The following NARS1 variants were observed in gnomAD, a reference collection of about 807,000 sequenced individuals.
The protein encoded by NARS1 is asparagine--tRNA ligase, cytoplasmic.
A neutral mutation model predicts 79.2 loss-of-function variants in NARS1; 65 were observed. That is an observed-to-expected ratio of 0.82 (90% CI 0.67 to 1.01). The LOEUF (loss-of-function observed/expected upper bound fraction) is 1.01, where lower values mean the gene tolerates loss of function less well. Ranked by LOEUF, NARS1 falls within the 50% of genes least tolerant of loss-of-function variation. The pLI is 0.00. For missense variants in NARS1, 649 were observed against 673.8 expected, an observed-to-expected ratio of 0.96 and a Z score of 0.41; for synonymous variants, 229 against 238.8, an observed-to-expected ratio of 0.96 and a Z score of 0.38.
chr18:57,600,762 A>G lies in NARS1; in HGVS notation c.*890T>C, dbSNP rs1053166847. 6.6e-6 allele frequency: 1 copy of G among 152,240 alleles called. No individual in the cohort carries two copies. Among genetic ancestry groups the G allele is most frequent in the African/African-American group, 2.4e-5 (1 of 41,466 alleles). The allele number at this position is 152,240 out of a possible 1,614,324, so 9.4% of individuals were successfully genotyped here. On this transcript the variant is annotated 3_prime_UTR_variant, in exon 14 of 14. Transcript: ENST00000256854. ...AACTAAATCTGAAATGAAGCCATTCAGTAAGCCTGCTGTGAGTTAATAAGG... is the reference window on the plus strand; with the variant it reads ...AACTAAATCTGAAATGAAGCCATTCGGTAAGCCTGCTGTGAGTTAATAAGG...
chr18:57,619,212 A>C (rs573608926), intron 2 of NARS1, among the ~76,000 whole-genome samples: 3 of 148,824 alleles, frequency 2.0e-5, no homozygotes, highest in Non-Finnish European at 3.0e-5. Flanking sequence ...CCCCTATCTC[A>C]GTCTCCCGAG....
intron 7 of NARS1, among the ~76,000 whole-genome samples, chr18:57,608,437 C>CAAAAAAAAAAAAAAA (rs1175712420): frequency 1.3e-5 from 1 of 78,276 alleles, no homozygotes; most frequent in African/African-American, 5.3e-5. Context: ...AACTCCGTCT[C>CAAAAAAAAAAAAAAA]AAAAAAAAAA....
chr18:57,602,703 T>G, intron 12 of NARS1, 109 bp downstream of exon 12: 1 of 1,367,438 alleles, frequency 7.3e-7, no homozygotes, highest in Non-Finnish European at 9.9e-7. Flanking sequence ...AATATTGTTA[T>G]TCTAGATAGA....
chr18:57,617,617 CT>C, intron 2 of NARS1, among the ~76,000 whole-genome samples: 1 of 134,752 alleles, frequency 7.4e-6, no homozygotes, highest in South Asian at 2.5e-4. Context: ...GAATCTGGAT[CT>C]TTTGAAAACA....
chr18:57,611,659 T>C lies in NARS1; in HGVS notation c.470A>G (p.Gln157Arg), dbSNP rs2051605920. 3.8e-6 allele frequency: 6 copies of C among 1,596,472 alleles called. No individual in the cohort carries two copies. The highest frequency in any genetic ancestry group is 5.1e-6 in the Non-Finnish European group (6 of 1,173,046). ...LVLRDGTGYL[Q>R]CVLADELCQC... ...TACCAACTCATCCGCCAAGACACAC[T>C]GAAGATAACCTGTACCATCTCGCAA... The change falls in exon 6 of 14, where the codon CAG becomes CGG. Residue 157 changes from glutamine (Q) to arginine (R), a missense_variant. Coordinates refer to ENST00000256854, the MANE Select transcript of NARS1 (RefSeq NM_004539.4).
Position 57,602,448 on chromosome 18 carries a change from T to A in NARS1, c.1422A>T (p.Gly474=), listed in dbSNP as rs760080247. 1.9e-6 allele frequency: 3 copies of A among 1,613,902 alleles called. 1 individual carries two copies. The South Asian group carries it at 3.3e-5, about 18-fold the overall frequency. The stretch of plus-strand genomic sequence containing the variant: ...CACTATCAAAGATACGCATTGAGCC[T>A]CCCACAATCTCACCAACATTGGGCA... ...VLMPNVGEIV[G]GSMRIFDSEE... The change falls in exon 13 of 14, where the codon GGA becomes GGT. Residue 474 remains glycine (G), a synonymous_variant. Coordinates refer to ENST00000256854, the MANE Select transcript of NARS1 (RefSeq NM_004539.4).
At position 57,621,780 on chromosome 18, in the gene NARS1, T is replaced by G; in HGVS notation, c.-63A>C. 6.2e-7 allele frequency: 1 copy of G among 1,612,390 alleles called. No individual in the cohort carries two copies. The highest frequency in any genetic ancestry group is 8.5e-7 in the Non-Finnish European group (1 of 1,179,646). On this transcript the variant is annotated 5_prime_UTR_variant, in exon 1 of 14. Coordinates refer to ENST00000256854, the MANE Select transcript of NARS1 (RefSeq NM_004539.4). ...TGCAACACCGACGCCGTCTTATGAC[T>G]CCAACGTGCACCGGCGGTTTCCGCG... is the stretch of plus-strand genomic sequence containing the variant.
rs932754867 is a variant in NARS1, at chr18:57,611,653, A to C, written c.476T>G (p.Val159Gly). 1 of 1,596,140 alleles carries C rather than the reference A, an allele frequency of 6.3e-7. No individual in the cohort carries two copies. Among genetic ancestry groups the C allele is most frequent in the Non-Finnish European group, 8.5e-7 (1 of 1,172,246 alleles). ...AATATTTACCAACTCATCCGCCAAG[A>C]CACACTGAAGATAACCTGTACCATC... ...LRDGTGYLQCVLADELCQCYN... is the reference protein window; with the variant it reads ...LRDGTGYLQCGLADELCQCYN... Residue 159 changes from valine to glycine, a missense_variant, in exon 6 of 14, where the codon GTC becomes GGC. Coordinates refer to ENST00000256854, the MANE Select transcript of NARS1 (RefSeq NM_004539.4).
intron 13 of NARS1, 90 bp from the exon 14 acceptor site, chr18:57,601,873 G>C (rs1427605590): frequency 9.4e-6 from 13 of 1,383,572 alleles, no homozygotes; most frequent in Non-Finnish European, 1.3e-5. Flanking sequence ...CATGAAAGGA[G>C]TTAGCTCACT....
chr18:57,616,196 G>A (rs1225231497), intron 2 of NARS1, among the ~76,000 whole-genome samples: 1 of 152,072 alleles, frequency 6.6e-6, no homozygotes, highest in Non-Finnish European at 1.5e-5. Flanking sequence ...GAAGGCCGAG[G>A]TGGGTGAGGT....
chr18:57,618,287 C>T (rs1277575334), intron 2 of NARS1, among the ~76,000 whole-genome samples: 25 of 34,586 alleles, frequency 7.2e-4, no homozygotes, highest in African/African-American at 2.0e-3. Context: ...AAAACTCTGT[C>T]TCAAAAAAAA....
chr18:57,621,440 G>A (rs542732851), intron 1 of NARS1, among the ~76,000 whole-genome samples: 3 of 152,322 alleles, frequency 2.0e-5, no homozygotes, highest in Admixed American at 6.5e-5. Flanking sequence ...GCGCAATCGG[G>A]AGGTTTCGCA....
intron 9 of NARS1, 157 bp downstream of exon 9, chr18:57,606,977 C>A (rs911699136): frequency 3.2e-6 from 3 of 940,990 alleles, no homozygotes; most frequent in Non-Finnish European, 4.7e-6. Flanking sequence ...AACTTAGCTA[C>A]GATCTAAGGT....
chr18:57,615,882 A>G lies in NARS1; in HGVS notation c.187T>C (p.Leu63=), dbSNP rs755213019. The change falls in exon 3 of 14, where the codon TTG becomes CTG. Residue 63 remains leucine (L), a synonymous_variant. Coordinates refer to ENST00000256854, the MANE Select transcript of NARS1 (RefSeq NM_004539.4). Reference sequence around the variant, plus strand: ...TGCCACATCTTTTTAATGTTCTTCAACTGTGATTTAGAAATAACATTCCAC... The same window carrying G: ...TGCCACATCTTTTTAATGTTCTTCAGCTGTGATTTAGAAATAACATTCCAC... ...ERWNVISKSQ[L]KNIKKMWHRE... is the part of the protein sequence containing the mutation. 74 of 1,613,172 alleles carry G rather than the reference A, an allele frequency of 4.6e-5. No individual in the cohort carries two copies. Among genetic ancestry groups the G allele is most frequent in the Non-Finnish European group, 6.0e-5 (71 of 1,179,604 alleles).
chr18:57,620,766 G>T, intron 1 of NARS1, 115 bp from the exon 2 acceptor site: 7 of 553,146 alleles, frequency 1.3e-5, no homozygotes, highest in South Asian at 6.0e-5. Flanking sequence ...TAAAAATTGA[G>T]GTCCATAAGT....
Position 57,611,631 on chromosome 18 carries a change from A to G in NARS1, c.492+6T>C, listed in dbSNP as rs2051605658. 1 of 1,575,374 alleles carries G rather than the reference A, an allele frequency of 6.3e-7. No homozygotes were observed. The highest frequency in any genetic ancestry group is 1.4e-5 in the African/African-American group (1 of 73,298). ...TTTTCAGGCATAAATAAGAGAAAAT[A>G]TTTACCAACTCATCCGCCAAGACAC... On this transcript the variant is annotated splice_donor_region_variant and intron_variant, in intron 6 of 13. Coordinates refer to ENST00000256854, the MANE Select transcript of NARS1 (RefSeq NM_004539.4).
At position 57,615,980 on chromosome 18, in the gene NARS1, G is replaced by A; in HGVS notation, c.94-5C>T. Reference sequence around the variant, plus strand: ...TTTCCCTACTGTCATCAAAGCCTTGGGTAGGGAGGAGAGAAAAGACAGTTC... The same window carrying A: ...TTTCCCTACTGTCATCAAAGCCTTGAGTAGGGAGGAGAGAAAAGACAGTTC... On this transcript the variant is annotated splice_polypyrimidine_tract_variant and splice_region_variant and intron_variant, in intron 2 of 13. Transcript: ENST00000256854. 1.3e-6 allele frequency: 2 copies of A among 1,589,486 alleles called. No individual in the cohort carries two copies. The highest frequency in any genetic ancestry group is 2.3e-5 in the South Asian group (2 of 86,520).
Position 57,601,409 on chromosome 18 carries a change from C to A in NARS1, c.*243G>T, listed in dbSNP as rs914159944. On this transcript the variant is annotated 3_prime_UTR_variant, in exon 14 of 14. Transcript: ENST00000256854. ...ATGTATCCCTAACTACAGTTTCATG[C>A]CAGGTATTTTCCCCGAACTTTGTTT... 2.9e-6 allele frequency: 1 copy of A among 348,062 alleles called. No individual in the cohort carries two copies. Among genetic ancestry groups the A allele is most frequent in the Non-Finnish European group, 5.3e-6 (1 of 189,106 alleles). 21.6% of individuals were successfully genotyped at this position (348,062 alleles called of 1,614,324 possible). A position where few individuals can be genotyped will look rare whatever the true frequency, so the allele number is the denominator to read the frequency against.
chr18:57,606,879 T>G (rs2122429135), intron 9 of NARS1, 128 bp from the exon 10 acceptor site: 7 of 1,228,550 alleles, frequency 5.7e-6, no homozygotes, highest in East Asian at 2.4e-5. Context: ...CTTTGCAAAT[T>G]AGCTGTGGAC....
Sources: gnomAD v4.1 joint callset for allele counts (sites outside exome capture counted in the v4.1 genomes callset) on GRCh38, gnomAD v4.1.1 for gene constraint, MANE v1.5 for transcripts, NCBI Gene and HGNC (gene_info 2026-07-23, HGNC 2026-07-21) for gene names.